Variants in TMEM168 observed in about 807,000 individuals in gnomAD.
The protein encoded by TMEM168 is transmembrane protein 168.
Under a neutral mutation model 53.2 loss-of-function variants are expected in TMEM168, and 40 were observed. The ratio of observed to expected loss-of-function variants is 0.75; its 90% CI spans 0.58 to 0.98. The LOEUF (loss-of-function observed/expected upper bound fraction) is 0.98, where lower values mean the gene tolerates loss of function less well. TMEM168 is among the 50% of genes least tolerant of loss of function. The probability of loss-of-function intolerance (pLI) is 0.00; values close to 1 mark genes in which losing one functional copy is unlikely to be tolerated. For missense variants in TMEM168, 771 were observed against 828.8 expected (o/e 0.93, Z 0.86); for synonymous variants, 282 against 293.0 (o/e 0.96, Z 0.38).
chr7:112,783,062 T>C lies in TMEM168; in HGVS notation c.1128+636A>G, dbSNP rs545512609. ...AGACTGGGTTTGTTAATACTGCAGA[T>C]GCAAACTCCAACTGTACAAATGTCT... On this transcript the variant is annotated intron_variant, in intron 2 of 4. Coordinates refer to ENST00000312814, the MANE Select transcript of TMEM168 (RefSeq NM_022484.6). Among the ~76,000 whole-genome samples the C allele has an allele frequency of 4.6e-5, 7 of 152,338 alleles. No homozygotes were observed. The South Asian group carries it at 1.4e-3, about 32-fold the overall frequency.
intron 1 of TMEM168, among the ~76,000 whole-genome samples, chr7:112,787,810 G>A (rs900588096): frequency 3.1e-5 from 4 of 127,868 alleles, no homozygotes; most frequent in Non-Finnish European, 6.3e-5. Flanking sequence ...TCGGCTCACC[G>A]CAACCTCTGC....
chr7:112,784,365 A>G lies in TMEM168; in HGVS notation c.461T>C (p.Leu154Pro). ...AAGCTCCAGAAATTCAACTGTGGTT[A>G]GTAAAGTGGGCCGATGACGGACATA... ...SGYVRHRPTL[L>P]TTVEFLELVG... The change falls in exon 2 of 5, where the codon CTA becomes CCA. Residue 154 changes from leucine to proline, a missense_variant. Physicochemically the swap from Leu to Pro is moderately conservative, Grantham distance 98 (BLOSUM62 -3). Coordinates refer to ENST00000312814, the MANE Select transcript of TMEM168 (RefSeq NM_022484.6). 1 of 1,614,218 alleles carries G rather than the reference A, an allele frequency of 6.2e-7. No homozygotes were observed. The highest frequency in any genetic ancestry group is 8.5e-7 in the Non-Finnish European group (1 of 1,180,034).
At chr7:112,782,975 C>A (rs541568100) in intron 2 of TMEM168, among the ~76,000 whole-genome samples, 1 of 152,354 alleles carries the variant, frequency 6.6e-6, no homozygotes, top group Non-Finnish European at 1.5e-5. Context: ...ATCCTGAGAT[C>A]TTCCGCACCC....
At chr7:112,779,963 C>T (rs748821860) in intron 2 of TMEM168, among the ~76,000 whole-genome samples, 1 of 152,086 alleles carries the variant, frequency 6.6e-6, no homozygotes, top group East Asian at 1.9e-4. Flanking sequence ...TACGTAAATG[C>T]GGCAATATAT....
At chr7:112,790,067 G>C (rs1793505820) in intron 1 of TMEM168, 93 bp downstream of exon 1, 2 of 152,288 alleles carry the variant, frequency 1.3e-5, no homozygotes, top group South Asian at 4.1e-4. Context: ...CTGGGAGGCC[G>C]ACTGGGCGGA....
rs541518093 is a variant in TMEM168, at chr7:112,789,832, G to A, written c.-129+328C>T. Reference sequence around the variant, plus strand: ...GAATATCAAACTCCTCAGCACTAGAGCAGCAACAGCAATTTCTCTCCCTTT... The same window carrying A: ...GAATATCAAACTCCTCAGCACTAGAACAGCAACAGCAATTTCTCTCCCTTT... On this transcript the variant is annotated intron_variant, in intron 1 of 4. Coordinates refer to ENST00000312814, the MANE Select transcript of TMEM168 (RefSeq NM_022484.6). Among the ~76,000 whole-genome samples, 85 of 152,354 alleles carry A rather than the reference G, an allele frequency of 5.6e-4. 1 individual carries two copies. In the South Asian group the frequency reaches 0.017, roughly 30 times the overall value.
At chr7:112,770,616 G>GTA (rs200228155) in intron 4 of TMEM168, among the ~76,000 whole-genome samples, 10,831 of 152,032 alleles carry the variant, frequency 0.071, 455 homozygotes, top group South Asian at 0.13. Flanking sequence ...ATATGTGTGT[G>GTA]TGTGTTTATC....
chr7:112,767,415 T>A lies in TMEM168; in HGVS notation c.1876A>T (p.Thr626Ser), dbSNP rs1200066612. The change falls in exon 5 of 5, where the codon ACT (threonine) becomes TCT (serine). Residue 626 changes from threonine to serine, a missense_variant. Transcript: ENST00000312814. ...TCGCTTCCCGTTGGCAAATGCAGAGTGTAGTCACTCCACCGTTTTGACACA... is the reference window on the plus strand; with the variant it reads ...TCGCTTCCCGTTGGCAAATGCAGAGAGTAGTCACTCCACCGTTTTGACACA... ...YGVSKRWSDY[T>S]LHLPTGSDVA... 2 of 1,613,950 alleles carry A rather than the reference T, an allele frequency of 1.2e-6. No homozygotes were observed. Among genetic ancestry groups the A allele is most frequent in the Non-Finnish European group, 1.7e-6 (2 of 1,180,010 alleles).
intron 2 of TMEM168, 26 bp downstream of exon 2, chr7:112,783,672 G>T: frequency 7.0e-7 from 1 of 1,434,056 alleles, no homozygotes; most frequent in Non-Finnish European, 9.2e-7. Flanking sequence ...ACGTCATTGG[G>T]GTTGCTGGAC....
At chr7:112,785,291 G>A (rs1003198945) in intron 1 of TMEM168, among the ~76,000 whole-genome samples, 2 of 152,168 alleles carry the variant, frequency 1.3e-5, no homozygotes, top group African/African-American at 4.8e-5. Flanking sequence ...TTAGATTGTA[G>A]CAGGTTTTGG....
chr7:112,789,907 TCTC>T (rs1173063017), intron 1 of TMEM168, among the ~76,000 whole-genome samples: 1 of 152,180 alleles, frequency 6.6e-6, no homozygotes, highest in Admixed American at 6.5e-5. Flanking sequence ...GCTTGGCTGT[TCTC>T]CACCATCCTC....
At chr7:112,787,356 C>T (rs1050628311) in intron 1 of TMEM168, among the ~76,000 whole-genome samples, 2 of 151,410 alleles carry the variant, frequency 1.3e-5, no homozygotes. Flanking sequence ...GTACTTTTCA[C>T]TCAGTATCCT....
chr7:112,786,116 C>T (rs1375695469), intron 1 of TMEM168, among the ~76,000 whole-genome samples: 1 of 152,088 alleles, frequency 6.6e-6, no homozygotes, highest in African/African-American at 2.4e-5. Flanking sequence ...ACAGGAGAAT[C>T]GCTTGAACCC....
At chr7:112,770,944 A>G (rs2116232670) in intron 4 of TMEM168, among the ~76,000 whole-genome samples, 1 of 152,316 alleles carries the variant, frequency 6.6e-6, no homozygotes, top group Non-Finnish European at 1.5e-5. Flanking sequence ...AGTAAGTTTC[A>G]GCAATCTCTG....
chr7:112,788,028 G>A (rs1462483841), intron 1 of TMEM168, among the ~76,000 whole-genome samples: 1 of 152,016 alleles, frequency 6.6e-6, no homozygotes, highest in Non-Finnish European at 1.5e-5. Flanking sequence ...CACTGCACCC[G>A]GCCATATCCT....
At chr7:112,788,927 C>T (rs188263311) in intron 1 of TMEM168, among the ~76,000 whole-genome samples, 39 of 152,268 alleles carry the variant, frequency 2.6e-4, no homozygotes, top group Non-Finnish European at 4.1e-4. Context: ...CAAAATTTAG[C>T]ACTCCACTAT....
Position 112,765,736 on chromosome 7 carries a change from T to G in TMEM168, c.*1461A>C, listed in dbSNP as rs1036134206. On this transcript the variant is annotated 3_prime_UTR_variant, in exon 5 of 5. Coordinates refer to ENST00000312814, the MANE Select transcript of TMEM168 (RefSeq NM_022484.6). ...TGCACATCATTAAATAAAAAATTAA[T>G]TTTTAACAAAATTTTATTTAGAGCA... The G allele has an allele frequency of 6.6e-6, 1 of 152,108 alleles. No homozygotes were observed. The highest frequency in any genetic ancestry group is 1.5e-5 in the Non-Finnish European group (1 of 67,996). 9.4% of individuals were successfully genotyped at this position (152,108 alleles called of 1,614,324 possible).
chr7:112,776,723 A>G (rs1793094266), intron 2 of TMEM168, among the ~76,000 whole-genome samples: 1 of 151,946 alleles, frequency 6.6e-6, no homozygotes, highest in Admixed American at 6.6e-5. Context: ...ACTTCATGCA[A>G]TGTATTTTTC....
chr7:112,775,385 C>T (rs1793051380), intron 2 of TMEM168, 67 bp from the exon 3 acceptor site: 1 of 1,297,376 alleles, frequency 7.7e-7, no homozygotes, highest in Non-Finnish European at 1.0e-6. Flanking sequence ...CATGCATGCA[C>T]ATTGATTCAC....
Sources: gnomAD v4.1 joint callset for allele counts (sites outside exome capture counted in the v4.1 genomes callset) on GRCh38, gnomAD v4.1.1 for gene constraint, MANE v1.5 for transcripts, NCBI Gene and HGNC (gene_info 2026-07-23, HGNC 2026-07-21) for gene names.